Variants in PSD2 observed in about 807,000 individuals in gnomAD.
The protein encoded by PSD2 is PH and SEC7 domain-containing protein 2.
A neutral mutation model predicts 69.8 loss-of-function variants in PSD2; 38 were observed. The observed-to-expected ratio is 0.54, with a 90% CI of 0.42 to 0.71. The LOEUF is 0.71. PSD2 is among the 30% of genes least tolerant of loss of function. The pLI is 0.00. For synonymous variants in PSD2, 412 were observed against 423.0 expected (o/e 0.97, Z 0.32); for missense variants, 943 against 1,014.5 (o/e 0.93, Z 0.96).
At chr5:139,769,325 G>A in the PSD2 span, among the ~76,000 whole-genome samples, 1 of 152,086 alleles carries the variant, frequency 6.6e-6, no homozygotes, top group South Asian at 2.1e-4. Context: ...GGATAGGGCT[G>A]TGGGTATTTT....
chr5:139,750,720 G>A, the PSD2 span, among the ~76,000 whole-genome samples: 2 of 152,162 alleles, frequency 1.3e-5, no homozygotes, highest in Non-Finnish European at 2.9e-5. Context: ...ATGGTTCAGG[G>A]AAAGAGTCTG....
At chr5:139,783,356 C>T in the PSD2 span, among the ~76,000 whole-genome samples, 2 of 152,166 alleles carry the variant, frequency 1.3e-5, no homozygotes, top group African/African-American at 2.4e-5. Flanking sequence ...GCAGAAGGAT[C>T]GCTTGAGCCC....
chr5:139,782,253 G>T, the PSD2 span, among the ~76,000 whole-genome samples: 3 of 150,956 alleles, frequency 2.0e-5, no homozygotes, highest in Non-Finnish European at 4.4e-5. Context: ...GCACAATCTC[G>T]GCTCACTATA....
At chr5:139,815,390 A>C (rs973569749) in intron 4 of PSD2, among the ~76,000 whole-genome samples, 1 of 152,118 alleles carries the variant, frequency 6.6e-6, no homozygotes, top group Non-Finnish European at 1.5e-5. Flanking sequence ...CACTCCCTCC[A>C]GCAGCTAATT....
rs2126967744 is a variant in PSD2 at position 139,837,084 on chromosome 5, T to G, written c.1594+83T>G. ...ACGGGCCACTCTTTGGGGACGAACA[T>G]ACAGGTGGACACGTAGTGGGAGGTG... On this transcript the variant is annotated intron_variant, in intron 10 of 14. Coordinates refer to ENST00000274710, the MANE Select transcript of PSD2 (RefSeq NM_032289.4). This position sits in a 1 kb window ranked among gnomAD's most constrained non-coding sequence, Gnocchi z 5.0. 1 of 1,596,350 alleles carries G rather than the reference T, an allele frequency of 6.3e-7. No individual in the cohort carries two copies. Among genetic ancestry groups the G allele is most frequent in the East Asian group, 2.2e-5 (1 of 44,676 alleles).
the PSD2 span, among the ~76,000 whole-genome samples, chr5:139,775,010 C>T: frequency 9.2e-5 from 14 of 152,128 alleles, no homozygotes; most frequent in African/African-American, 3.1e-4. Context: ...CGTACTGTGC[C>T]GCCGCCCTCC....
chr5:139,796,455 C>T (rs922452138), intron 1 of PSD2, among the ~76,000 whole-genome samples: 9 of 152,218 alleles, frequency 5.9e-5, no homozygotes, highest in African/African-American at 1.9e-4. Flanking sequence ...GGATTTATTT[C>T]TGTTTCCAGT....
At chr5:139,827,127 C>G (rs1185673407) in intron 7 of PSD2, among the ~76,000 whole-genome samples, 1 of 152,218 alleles carries the variant, frequency 6.6e-6, no homozygotes, top group Non-Finnish European at 1.5e-5. Context: ...GGGCCTAGCC[C>G]TGGGCTAGAG....
chr5:139,813,158 G>A (rs1483991906), intron 2 of PSD2, 151 bp from the exon 3 acceptor site: 15 of 621,464 alleles, frequency 2.4e-5, no homozygotes, highest in Non-Finnish European at 2.7e-5. Context: ...CTGGCACCTT[G>A]TGCTCAGTTA....
In PSD2 at chr5:139,839,615, G is replaced by A. The variant is rs1051301644; in HGVS notation, c.1969-412G>A. The stretch of plus-strand genomic sequence containing the variant: ...TGCGCATGAATGTAAGAGAACGCGT[G>A]TATCATATGGAGCAGGGGATAGCGG... On this transcript the variant is annotated intron_variant, in intron 13 of 14. Coordinates refer to ENST00000274710, the MANE Select transcript of PSD2 (RefSeq NM_032289.4). This position sits in a 1 kb window ranked among gnomAD's most constrained non-coding sequence, Gnocchi z 5.1. Among the ~76,000 whole-genome samples the A allele has an allele frequency of 5.3e-5, 8 of 152,272 alleles. No homozygotes were observed. The East Asian group carries it at 1.5e-3, about 29-fold the overall frequency.
chr5:139,815,270 C>G (rs1760091135), intron 4 of PSD2, among the ~76,000 whole-genome samples: 1 of 152,150 alleles, frequency 6.6e-6, no homozygotes, highest in Non-Finnish European at 1.5e-5. Context: ...GCCCAGAAAT[C>G]ACAACTCGGA....
chr5:139,834,788 A>G (rs2126964762), intron 8 of PSD2, among the ~76,000 whole-genome samples: 1 of 152,078 alleles, frequency 6.6e-6, no homozygotes, highest in East Asian at 1.9e-4. Context: ...AGATCAAACA[A>G]TCCCAGTCCC....
chr5:139,753,985 C>A, the PSD2 span, among the ~76,000 whole-genome samples: 1 of 151,696 alleles, frequency 6.6e-6, no homozygotes, highest in African/African-American at 2.4e-5. Context: ...GACAGGCATG[C>A]GCCACCACAC....
chr5:139,836,625 G>C (rs2126966946), intron 9 of PSD2, among the ~76,000 whole-genome samples, 186 bp from the exon 10 acceptor site: 1 of 152,200 alleles, frequency 6.6e-6, no homozygotes, highest in East Asian at 1.9e-4. Context: ...GTCAGAAGTG[G>C]AGATGAGAGG....
At chr5:139,817,211 C>G (rs1000385605) in intron 4 of PSD2, among the ~76,000 whole-genome samples, 4 of 152,224 alleles carry the variant, frequency 2.6e-5, no homozygotes, top group African/African-American at 7.2e-5. Flanking sequence ...AGTTTCCTCC[C>G]TGGGGACACT....
Position 139,809,380 on chromosome 5 carries a change from C to T in PSD2, c.-50-11C>T. On this transcript the variant is annotated splice_polypyrimidine_tract_variant and intron_variant, in intron 1 of 14. Coordinates refer to ENST00000274710, the MANE Select transcript of PSD2 (RefSeq NM_032289.4). The stretch of plus-strand genomic sequence containing the variant: ...GTCTGACCAGTTCTTCCTCTCTCCA[C>T]CCACTGCCAGGTCTAGAGGAGTCCC... 1 of 1,555,760 alleles carries T rather than the reference C, an allele frequency of 6.4e-7. No homozygotes were observed. The highest frequency in any genetic ancestry group is 8.6e-7 in the Non-Finnish European group (1 of 1,156,758).
chr5:139,747,511 G>T, the PSD2 span, among the ~76,000 whole-genome samples: 1 of 152,200 alleles, frequency 6.6e-6, no homozygotes, highest in Non-Finnish European at 1.5e-5. This position sits in a 1 kb window ranked among gnomAD's most constrained non-coding sequence, Gnocchi z 6.7. Flanking sequence ...ATCTGGGGCC[G>T]GAAGGAATGT....
the PSD2 span, among the ~76,000 whole-genome samples, chr5:139,766,930 CTTCTTTCT>C: frequency 0.028 from 1,240 of 43,956 alleles, 18 homozygotes; most frequent in Admixed American, 0.038. Flanking sequence ...CCTTCCTTCC[CTTCTTTCT>C]TTCTTTCTTT....
At position 139,823,942 on chromosome 5, in the gene PSD2, G is replaced by A. The variant is rs541804704; in HGVS notation, c.1269+1158G>A. Among the ~76,000 whole-genome samples, 122 of 152,314 alleles carry A rather than the reference G, an allele frequency of 8.0e-4. No individual in the cohort carries two copies. The Middle Eastern group carries it at 0.01, about 13-fold the overall frequency. On this transcript the variant is annotated intron_variant, in intron 7 of 14. Coordinates refer to ENST00000274710, the MANE Select transcript of PSD2 (RefSeq NM_032289.4). ...GGAGGGCTAGAGCCTCAGTGCCTGCGTCAGGAAGAGCAAATATGCGACAGC... is the reference window on the plus strand; with the variant it reads ...GGAGGGCTAGAGCCTCAGTGCCTGCATCAGGAAGAGCAAATATGCGACAGC...
Sources: allele counts gnomAD v4.1 joint callset (sites outside exome capture counted in the v4.1 genomes callset), GRCh38; gene constraint gnomAD v4.1.1; non-coding constraint Gnocchi (gnomAD v3.1); transcripts MANE v1.5; gene names NCBI Gene and HGNC (gene_info 2026-07-23, HGNC 2026-07-21).